Variants in SMAD9 observed in about 807,000 individuals in gnomAD.
SMAD9 encodes the protein MAD homolog 9.
A neutral mutation model predicts 46.1 loss-of-function variants in SMAD9; 36 were observed. That is an observed-to-expected ratio of 0.78 (90% confidence interval 0.60 to 1.03). The LOEUF is 1.03. SMAD9 is among the 50% of genes least tolerant of loss of function. The probability of loss-of-function intolerance (pLI) is 0.00; values close to 1 mark genes in which losing one functional copy is unlikely to be tolerated. For missense variants in SMAD9, 572 were observed against 599.8 expected (o/e 0.95, Z 0.48); for synonymous variants, 245 against 237.1 (o/e 1.03, Z -0.31).
chr13:36,879,472 C>A lies in SMAD9; in HGVS notation c.218G>T (p.Arg73Leu), dbSNP rs1453268397. 2 of 1,613,790 alleles carry A rather than the reference C, an allele frequency of 1.2e-6. No homozygotes were observed. The highest frequency in any genetic ancestry group is 3.3e-5 in the Admixed American group (2 of 60,030). ...GQPSKCVTIP[R>L]SLDGRLQVSH... ...CACCTGCAGCCGCCCGTCCAGGGAGCGGGGAATCGTGACGCATTTGCTGGG... is the reference window on the plus strand; with the variant it reads ...CACCTGCAGCCGCCCGTCCAGGGAGAGGGGAATCGTGACGCATTTGCTGGG... Residue 73 changes from arginine to leucine, a missense_variant, in exon 2 of 7, where the codon CGC (arginine) becomes CTC (leucine). Arg to Leu is a moderately radical substitution (Grantham distance 102). Coordinates refer to ENST00000379826, the MANE Select transcript of SMAD9 (RefSeq NM_001127217.3).
At position 36,846,710 on chromosome 13, in the gene SMAD9, A is replaced by T. The variant is rs2058040607; in HGVS notation, c.*1966T>A. 1 of 152,196 alleles carries T rather than the reference A, an allele frequency of 6.6e-6. No individual in the cohort carries two copies. The highest frequency in any genetic ancestry group is 1.5e-5 in the Non-Finnish European group (1 of 68,022). The allele number at this position is 152,196 out of a possible 1,614,324, so 9.4% of individuals were successfully genotyped here. The stretch of plus-strand genomic sequence containing the variant: ...AAAACAACTTTGAGACATGGAAGAA[A>T]AGTAGCATTTATACAAGGAATCCAT... On this transcript the variant is annotated 3_prime_UTR_variant, in exon 7 of 7. Transcript: ENST00000379826.
At chr13:36,857,519 T>C (rs1030012519) in intron 5 of SMAD9, among the ~76,000 whole-genome samples, 4 of 152,152 alleles carry the variant, frequency 2.6e-5, no homozygotes, top group African/African-American at 9.7e-5. Context: ...GAGTCCTGTG[T>C]TGTGGTTAAT....
rs138184535 is a variant in SMAD9, at chr13:36,910,898, C to A, written c.-187+9218G>T. 5.1e-4 allele frequency among the ~76,000 whole-genome samples: 77 copies of A among 152,296 alleles called. 1 individual carries two copies. The highest frequency in any genetic ancestry group is 1.7e-3 in the African/African-American group (70 of 41,568). ...TTCTATCAGGCCACAAGCCAAGCCA[C>A]ATTGTGGTCTGTACTACCTACCTAG... On this transcript the variant is annotated intron_variant, in intron 1 of 6. Transcript: ENST00000379826.
chr13:36,882,037 C>G (rs1232637917), intron 1 of SMAD9, among the ~76,000 whole-genome samples: 2 of 152,180 alleles, frequency 1.3e-5, no homozygotes, highest in Non-Finnish European at 2.9e-5. Flanking sequence ...GTTCCCTAAA[C>G]CAGGTTTTGT....
chr13:36,890,362 ACG>A (rs1282759009), intron 1 of SMAD9, among the ~76,000 whole-genome samples: 1 of 152,198 alleles, frequency 6.6e-6, no homozygotes, highest in African/African-American at 2.4e-5. Context: ...AGTTTTGAGG[ACG>A]CTTTATAACT....
In SMAD9 at chr13:36,868,275, A is replaced by G. The variant is rs571040602; in HGVS notation, c.671-892T>C. Among the ~76,000 whole-genome samples, 160 of 152,360 alleles carry G rather than the reference A, an allele frequency of 1.1e-3. 1 individual carries two copies. Among genetic ancestry groups the G allele is most frequent in the Non-Finnish European group, 1.8e-3 (125 of 68,034 alleles). On this transcript the variant is annotated intron_variant, in intron 3 of 6. Transcript: ENST00000379826. ...GGTTGAATGTAGCCATGTACATTTT[A>G]ACATGCCCCAATGGCAATTCTAATG...
intron 1 of SMAD9, among the ~76,000 whole-genome samples, chr13:36,908,900 C>T (rs1289874794): frequency 6.6e-6 from 1 of 152,064 alleles, no homozygotes; most frequent in East Asian, 1.9e-4. Context: ...ATATATGTGG[C>T]CCAAATGAAG....
intron 3 of SMAD9, among the ~76,000 whole-genome samples, chr13:36,872,292 T>C (rs932662637): frequency 6.6e-6 from 1 of 151,310 alleles, no homozygotes; most frequent in Admixed American, 6.6e-5. Flanking sequence ...AGGCCTAGCA[T>C]TGATCTTCCA....
chr13:36,888,307 T>A (rs1438935770), intron 1 of SMAD9, among the ~76,000 whole-genome samples: 1 of 152,072 alleles, frequency 6.6e-6, no homozygotes, highest in Non-Finnish European at 1.5e-5. Context: ...TTGGTAAGTG[T>A]CTCGCACTTC....
chr13:36,870,778 C>A (rs1475591978), intron 3 of SMAD9, among the ~76,000 whole-genome samples: 2 of 149,502 alleles, frequency 1.3e-5, no homozygotes, highest in African/African-American at 5.0e-5. Context: ...GGAACAGTAA[C>A]TAATAATAAA....
intron 1 of SMAD9, among the ~76,000 whole-genome samples, chr13:36,890,118 C>T (rs2058478070): frequency 6.6e-6 from 1 of 152,056 alleles, no homozygotes; most frequent in Non-Finnish European, 1.5e-5. Flanking sequence ...AATTTTACTT[C>T]GAAAGGCATA....
chr13:36,887,040 G>GTTTTTTTTTTTT (rs200264324), intron 1 of SMAD9, among the ~76,000 whole-genome samples: 2 of 102,542 alleles, frequency 2.0e-5, no homozygotes, highest in Non-Finnish European at 3.7e-5. Flanking sequence ...CTTTGAATGG[G>GTTTTTTTTTTTT]TTTTTTTTTT....
intron 1 of SMAD9, among the ~76,000 whole-genome samples, chr13:36,887,035 A>T: frequency 7.2e-6 from 1 of 139,426 alleles, no homozygotes; most frequent in African/African-American, 2.7e-5. Context: ...GGAGCCTTTG[A>T]ATGGGTTTTT....
At chr13:36,848,912 C>A in intron 6 of SMAD9, 93 bp from the exon 7 acceptor site, 1 of 1,268,306 alleles carries the variant, frequency 7.9e-7, no homozygotes. Context: ...AGAGCCCACA[C>A]CCCAGCGTAG....
chr13:36,846,459 G>A lies in SMAD9; in HGVS notation c.*2217C>T, dbSNP rs1309838585. 8.8e-6 allele frequency: 1 copy of A among 113,542 alleles called. No individual in the cohort carries two copies. The highest frequency in any genetic ancestry group is 3.6e-5 in the African/African-American group (1 of 27,954). 7.0% of individuals were successfully genotyped at this position (113,542 alleles called of 1,614,324 possible). The stretch of plus-strand genomic sequence containing the variant: ...CACTGCACTCTGGCCTGGTGACACA[G>A]CGAGACTCCATCTCAAAAAAAAAAA... On this transcript the variant is annotated 3_prime_UTR_variant, in exon 7 of 7. Coordinates refer to ENST00000379826, the MANE Select transcript of SMAD9 (RefSeq NM_001127217.3).
chr13:36,859,727 G>A (rs1484685929), intron 5 of SMAD9, among the ~76,000 whole-genome samples: 3 of 152,160 alleles, frequency 2.0e-5, no homozygotes, highest in Non-Finnish European at 4.4e-5. Flanking sequence ...TTGGGAAGCC[G>A]AGGCGGGTGG....
chr13:36,900,469 TG>T (rs2058565118), intron 1 of SMAD9, among the ~76,000 whole-genome samples: 1 of 151,826 alleles, frequency 6.6e-6, no homozygotes, highest in Non-Finnish European at 1.5e-5. Context: ...TTAGTAGAGA[TG>T]GGGTTTCACC....
intron 5 of SMAD9, among the ~76,000 whole-genome samples, chr13:36,855,272 A>G (rs928659924): frequency 2.0e-5 from 3 of 151,444 alleles, no homozygotes; most frequent in Middle Eastern, 6.8e-3. Context: ...AAAAAAAAAA[A>G]AAAGAAAAGC....
chr13:36,911,627 G>A (rs1368329728), intron 1 of SMAD9, among the ~76,000 whole-genome samples: 3 of 131,590 alleles, frequency 2.3e-5, no homozygotes, highest in South Asian at 3.2e-4. Context: ...GGGGGGGGGG[G>A]GGCGGGTGGA....
Sources: allele counts gnomAD v4.1 joint callset (sites outside exome capture counted in the v4.1 genomes callset), GRCh38; gene constraint gnomAD v4.1.1; transcripts MANE v1.5; gene names NCBI Gene and HGNC (gene_info 2026-07-23, HGNC 2026-07-21).